Variants in HIF3A observed in about 807,000 individuals in gnomAD.
HIF3A encodes the protein hypoxia inducible factor 3 subunit alpha.
HIF3A carries 41 observed loss-of-function variants against 67.2 expected under a neutral mutation model. The observed-to-expected ratio is 0.61, with a 90% confidence interval of 0.48 to 0.79. The LOEUF (loss-of-function observed/expected upper bound fraction) is 0.79. Among genes scored for constraint, HIF3A ranks in the 30% least tolerant of loss-of-function variants. HIF3A has a pLI of 0.00. For missense variants in HIF3A, 855 were observed against 898.0 expected (o/e 0.95, Z 0.61); for synonymous variants, 356 against 374.8 (o/e 0.95, Z 0.58).
chr19:46,324,004 G>A (rs1373201025), intron 10 of HIF3A, among the ~76,000 whole-genome samples: 2 of 152,154 alleles, frequency 1.3e-5, no homozygotes, highest in African/African-American at 4.8e-5. Flanking sequence ...AACCTGGGAT[G>A]TTTGGAACTG....
At chr19:46,332,936 C>T (rs992390049) in intron 13 of HIF3A, among the ~76,000 whole-genome samples, 11 of 150,932 alleles carry the variant, frequency 7.3e-5, no homozygotes, top group African/African-American at 2.7e-4. Context: ...GAGCCGAGAT[C>T]GCGCCATTGC....
At chr19:46,311,474 T>C (rs1969417564) in intron 6 of HIF3A, among the ~76,000 whole-genome samples, 1 of 152,182 alleles carries the variant, frequency 6.6e-6, no homozygotes, top group African/African-American at 2.4e-5. Context: ...AAATTAAGGC[T>C]GTGTTCCTTC....
chr19:46,327,399 T>A (rs1466493491), intron 11 of HIF3A, among the ~76,000 whole-genome samples: 1 of 151,758 alleles, frequency 6.6e-6, no homozygotes, highest in South Asian at 2.1e-4. Flanking sequence ...CACTGCAACT[T>A]CCAACTCCCA....
At chr19:46,331,371 G>C (rs758773515) in intron 13 of HIF3A, 98 bp downstream of exon 13, 144 of 930,342 alleles carry the variant, frequency 1.5e-4, no homozygotes, top group Non-Finnish European at 2.4e-5. Context: ...GCAGGGGCTG[G>C]TTGAGGGTCA....
intron 1 of HIF3A, among the ~76,000 whole-genome samples, chr19:46,302,599 C>T (rs982780432): frequency 2.6e-5 from 4 of 152,128 alleles, no homozygotes; most frequent in Admixed American, 6.5e-5. Context: ...AGAGGCCAGG[C>T]GTGGTGGCTT....
chr19:46,323,236 A>C (rs1568532021), intron 10 of HIF3A, among the ~76,000 whole-genome samples: 1 of 151,770 alleles, frequency 6.6e-6, no homozygotes, highest in Non-Finnish European at 1.5e-5. Context: ...TTTTTAGTAG[A>C]GACGGGGTTT....
chr19:46,325,014 T>A (rs1378348453), intron 10 of HIF3A, among the ~76,000 whole-genome samples: 5 of 144,680 alleles, frequency 3.5e-5, no homozygotes, highest in Admixed American at 6.9e-5. Context: ...TGTGTGTGTG[T>A]GAGACAGAGT....
chr19:46,331,000 A>T (rs891982301), intron 12 of HIF3A, among the ~76,000 whole-genome samples, 156 bp from the exon 13 acceptor site: 10 of 149,712 alleles, frequency 6.7e-5, no homozygotes, highest in South Asian at 6.5e-4. Flanking sequence ...GAATGAGAAG[A>T]TGGATTGGTG....
rs751992470 is a variant in HIF3A, at chr19:46,321,877, C to T, written c.1246C>T (p.Arg416Cys). 7 of 1,613,872 alleles carry T rather than the reference C, an allele frequency of 4.3e-6. No individual in the cohort carries two copies. Among genetic ancestry groups the T allele is most frequent in the African/African-American group, 1.3e-5 (1 of 74,908 alleles). The change falls in exon 10 of 15, where the codon CGC (arginine) becomes TGC (cysteine). Residue 416 changes from arginine to cysteine, a missense_variant. By Grantham distance (180) the Arg-to-Cys change is radical. Around this residue, in one of 3 missense-constraint regions of HIF3A, gnomAD observed 638 missense variants for 660.5 expected, o/e 0.97. Coordinates refer to ENST00000377670, the MANE Select transcript of HIF3A (RefSeq NM_152795.4). ...PRRFCSPDLRRLLGPILDGAS... is the reference protein window; with the variant it reads ...PRRFCSPDLRCLLGPILDGAS... ...CCGTTTCTGCAGCCCTGACCTCCGT[C>T]GCCTCCTGGGACCCATCCTGGATGG...
At position 46,312,264 on chromosome 19, in the gene HIF3A, A is replaced by G. The variant is rs1187770019; in HGVS notation, c.874A>G (p.Thr292Ala). The G allele has an allele frequency of 1.2e-6, 2 of 1,613,740 alleles. No individual in the cohort carries two copies. Among genetic ancestry groups the G allele is most frequent in the Non-Finnish European group, 1.7e-6 (2 of 1,179,930 alleles). ...DSDAVSKSIH[T>A]LLSKGQAVTG... The stretch of plus-strand genomic sequence containing the variant: ...CGATGCGGTCAGCAAGAGCATCCAC[A>G]CCTGTATGTATCCCATTTCCCCAGG... Residue 292 changes from threonine (T) to alanine (A), a missense_variant, in exon 7 of 15, where the codon ACC becomes GCC. Physicochemically the swap from Thr to Ala is moderately conservative, Grantham distance 58. Coordinates refer to ENST00000377670, the MANE Select transcript of HIF3A (RefSeq NM_152795.4).
intron 1 of HIF3A, among the ~76,000 whole-genome samples, chr19:46,302,620 T>C (rs570706558): frequency 2.6e-5 from 4 of 152,300 alleles, no homozygotes; most frequent in African/African-American, 9.6e-5. Flanking sequence ...ACACCTGTAA[T>C]CCCAGAATTT....
In HIF3A at chr19:46,339,901, T is replaced by C. The variant is rs1395980073; in HGVS notation, c.*279T>C. On this transcript the variant is annotated 3_prime_UTR_variant, in exon 15 of 15. Transcript: ENST00000377670. ...TCTCTTGGGGTTCTCAATACTTGGT[T>C]ACCTCATTATCCCTTTCTCTGCCTC... The C allele has an allele frequency of 2.8e-6, 1 of 357,956 alleles. No homozygotes were observed. The highest frequency in any genetic ancestry group is 2.1e-5 in the African/African-American group (1 of 47,886). The allele number at this position is 357,956 out of a possible 1,614,324, so 22.2% of individuals were successfully genotyped here.
chr19:46,309,542 G>T (rs1354548715), intron 6 of HIF3A, among the ~76,000 whole-genome samples, 183 bp downstream of exon 6: 3 of 149,092 alleles, frequency 2.0e-5, no homozygotes, highest in African/African-American at 7.4e-5. Context: ...TTCTTTTTTT[G>T]TAAAATCGCT....
intron 10 of HIF3A, among the ~76,000 whole-genome samples, chr19:46,323,790 C>A (rs1031631098): frequency 6.6e-6 from 1 of 152,002 alleles, no homozygotes; most frequent in Non-Finnish European, 1.5e-5. Flanking sequence ...CAAGAGAGAA[C>A]GAAAACCAAG....
In HIF3A at chr19:46,339,629, T is replaced by C. The variant is rs1971861266; in HGVS notation, c.*7T>C. The C allele has an allele frequency of 6.3e-7, 1 of 1,585,588 alleles. No homozygotes were observed. The highest frequency in any genetic ancestry group is 1.1e-5 in the South Asian group (1 of 88,118). ...CTCAGCCCAGGCTGACTGAGCCGGC[T>C]CCTCTCCCCATCTGCCTTCTCCTCC... On this transcript the variant is annotated 3_prime_UTR_variant, in exon 15 of 15. Coordinates refer to ENST00000377670, the MANE Select transcript of HIF3A (RefSeq NM_152795.4).
rs532603563 is a variant in HIF3A, at chr19:46,301,766, G to A, written c.27-2132G>A. Among the ~76,000 whole-genome samples the A allele has an allele frequency of 4.7e-5, 7 of 150,220 alleles. No homozygotes were observed. The South Asian group carries it at 1.5e-3, about 32-fold the overall frequency. On this transcript the variant is annotated intron_variant, in intron 1 of 14. Coordinates refer to ENST00000377670, the MANE Select transcript of HIF3A (RefSeq NM_152795.4). ...GAACCCGGCAGGCGGAGGCTGCAGTGAGCCAAGATCGTGCCATTATACTCC... is the reference window on the plus strand; with the variant it reads ...GAACCCGGCAGGCGGAGGCTGCAGTAAGCCAAGATCGTGCCATTATACTCC...
chr19:46,329,062 C>T (rs987476244), intron 11 of HIF3A, 145 bp from the exon 12 acceptor site: 1 of 715,766 alleles, frequency 1.4e-6, no homozygotes, highest in Non-Finnish European at 2.3e-6. Flanking sequence ...TTCAGGGAGT[C>T]CTTATACCCA....
chr19:46,325,023 GTC>G (rs1970675809), intron 10 of HIF3A, among the ~76,000 whole-genome samples: 1 of 144,962 alleles, frequency 6.9e-6, no homozygotes, highest in Non-Finnish European at 1.5e-5. Flanking sequence ...GTGAGACAGA[GTC>G]TTACTCTGTC....
At chr19:46,320,201 G>A (rs1433361496) in intron 8 of HIF3A, 4 of 402,102 alleles carry the variant, frequency 9.9e-6, no homozygotes, top group African/African-American at 4.1e-5. Context: ...CTGCACTCCA[G>A]CCTGGGCGAC....
Sources: gnomAD v4.1 joint callset for allele counts (sites outside exome capture counted in the v4.1 genomes callset) on GRCh38, gnomAD v4.1.1 for gene constraint, gnomAD v4.1.1 regional missense constraint, MANE v1.5 for transcripts, NCBI Gene and HGNC (gene_info 2026-07-23, HGNC 2026-07-21) for gene names.